SGSM3: variants seen among roughly 807,000 people sequenced by gnomAD.
SGSM3 encodes RUN and SH3 containing 3.
A neutral mutation model predicts 100.5 loss-of-function variants in SGSM3; 96 were observed. The observed-to-expected ratio is 0.96, with a 90% CI of 0.81 to 1.13. SGSM3 has a LOEUF of 1.13. Ranked by LOEUF, SGSM3 falls within the 50% of genes most tolerant of loss-of-function variation. The probability of loss-of-function intolerance (pLI) is 0.00; values close to 1 mark genes in which losing one functional copy is unlikely to be tolerated. For synonymous variants in SGSM3, 483 were observed against 422.8 expected, an observed-to-expected ratio of 1.14 and a Z score of -1.75; for missense variants, 1,001 against 1,015.8, an observed-to-expected ratio of 0.99 and a Z score of 0.20.
At chr22:40,395,537 G>A (rs538248669) in intron 1 of SGSM3, among the ~76,000 whole-genome samples, 5 of 152,150 alleles carry the variant, frequency 3.3e-5, no homozygotes, top group African/African-American at 1.2e-4. Context: ...GGCCAGGTTG[G>A]TCTCGAACTC....
Position 40,408,082 on chromosome 22 carries a change from G to A in SGSM3, c.1591G>A (p.Ala531Thr), listed in dbSNP as rs763015456. 6.2e-7 allele frequency: 1 copy of A among 1,612,292 alleles called. No homozygotes were observed. Among genetic ancestry groups the A allele is most frequent in the East Asian group, 2.2e-5 (1 of 44,720 alleles). Residue 531 changes from alanine (A) to threonine (T), a missense_variant, in exon 15 of 22, where the codon GCC (alanine) becomes ACC (threonine). Coordinates refer to ENST00000248929, the MANE Select transcript of SGSM3 (RefSeq NM_015705.6). ...ELNGLRGWFP[A>T]KFVEVLDERS... ...TGTTTTTCCCACAGGCTGGTTTCCA[G>A]CCAAGTTCGTGGAAGTCCTGGATGA...
rs767167771 is a variant in SGSM3, at chr22:40,409,328, C to T, written c.2067C>T (p.Ser689=). 5 of 1,613,112 alleles carry T rather than the reference C, an allele frequency of 3.1e-6. 1 individual carries two copies. The South Asian group carries it at 4.4e-5, about 14-fold the overall frequency. Residue 689 remains serine, a synonymous_variant, in exon 20 of 22, where the codon TCC becomes TCT. Coordinates refer to ENST00000248929, the MANE Select transcript of SGSM3 (RefSeq NM_015705.6). The part of the protein sequence containing the change: ...PTVEKWYQPW[S]FLRSPGWVQI... ...TGGAGAAGTGGTACCAGCCCTGGTC[C>T]TTCCTGCGCAGCCCGGGCTGGGTCC...
At chr22:40,400,064 TACC>T (rs1238650486) in intron 1 of SGSM3, among the ~76,000 whole-genome samples, 1 of 152,222 alleles carries the variant, frequency 6.6e-6, no homozygotes, top group Non-Finnish European at 1.5e-5. Context: ...GCTTCTCACT[TACC>T]TAATTCTTCC....
Position 40,400,715 on chromosome 22 carries a change from G to C in SGSM3, c.-92G>C. 7.8e-7 allele frequency: 1 copy of C among 1,278,102 alleles called. No homozygotes were observed. 79.2% of individuals were successfully genotyped at this position (1,278,102 alleles called of 1,614,324 possible). On this transcript the variant is annotated 5_prime_UTR_variant, in exon 2 of 22. Coordinates refer to ENST00000248929, the MANE Select transcript of SGSM3 (RefSeq NM_015705.6). ...TAACAGGGCAGATGATTCTGGACCA[G>C]ATGAAGCCTGAGGAGCCTTCCAGCT...
At chr22:40,387,974 A>G (rs1223081915) in intron 1 of SGSM3, among the ~76,000 whole-genome samples, 1 of 152,122 alleles carries the variant, frequency 6.6e-6, no homozygotes, top group Non-Finnish European at 1.5e-5. Context: ...TTTCCCTGAT[A>G]TATGTTTCCA....
At chr22:40,404,225 C>G (rs745748666) in intron 4 of SGSM3, 22 bp from the exon 5 acceptor site, 4 of 1,501,130 alleles carry the variant, frequency 2.7e-6, no homozygotes, top group Non-Finnish European at 3.6e-6. Flanking sequence ...TTTTTCTTTC[C>G]TCCTTGGCTC....
Position 40,390,680 on chromosome 22 carries a change from A to G in SGSM3, c.-111-10016A>G, listed in dbSNP as rs115385339. Among the ~76,000 whole-genome samples, 738 of 152,328 alleles carry G rather than the reference A, an allele frequency of 4.8e-3. 4 individuals are homozygous for G. The highest frequency in any genetic ancestry group is 0.017 in the African/African-American group (708 of 41,568). On this transcript the variant is annotated intron_variant, in intron 1 of 21. Transcript: ENST00000248929. ...AATGAATGGTAGCTATTAGTAAGAT[A>G]TGTATAGATGGGTTTGTTGGGGGCC...
chr22:40,376,074 A>G (rs2046506603), intron 1 of SGSM3, among the ~76,000 whole-genome samples: 1 of 150,968 alleles, frequency 6.6e-6, no homozygotes, highest in South Asian at 2.1e-4. Context: ...AAAACAAGAT[A>G]TGAAAGAACA....
At chr22:40,399,355 G>T (rs113127116) in intron 1 of SGSM3, among the ~76,000 whole-genome samples, 2 of 152,178 alleles carry the variant, frequency 1.3e-5, no homozygotes, top group African/African-American at 4.8e-5. Context: ...AAGCTGACAC[G>T]TGGTTGTTCT....
rs537004442 is a variant in SGSM3, at chr22:40,383,136, T to C, written c.-112+12448T>C. The stretch of plus-strand genomic sequence containing the variant: ...TTCAGCCCTTGAAGAGCTTTCAGTT[T>C]ATAGATAAGGCACCTACACTAGTAA... On this transcript the variant is annotated intron_variant, in intron 1 of 21. Coordinates refer to ENST00000248929, the MANE Select transcript of SGSM3 (RefSeq NM_015705.6). 6.3e-4 allele frequency among the ~76,000 whole-genome samples: 96 copies of C among 152,242 alleles called. 1 individual carries two copies. In the South Asian group the frequency reaches 0.013, roughly 20 times the overall value.
At chr22:40,406,807 G>A in intron 10 of SGSM3, 145 bp downstream of exon 10, 1 of 883,138 alleles carries the variant, frequency 1.1e-6, no homozygotes, top group Non-Finnish European at 1.8e-6. Context: ...CCACAGCTGT[G>A]GGGTGATCCA....
rs2051970697 is a variant in SGSM3, at chr22:40,408,397, G to T, written c.1750G>T (p.Gly584Cys). Residue 584 changes from glycine to cysteine, a missense_variant, in exon 16 of 22, where the codon GGC becomes TGC. By Grantham distance (159) the Gly-to-Cys change is radical. Coordinates refer to ENST00000248929, the MANE Select transcript of SGSM3 (RefSeq NM_015705.6). ...ACTGAAGAAGCCATCCCTGCTTGGG[G>T]GCGCCTGCCACCCCTGGCTGTTTAT... Reference protein sequence around the residue: ...HGLKKPSLLGGACHPWLFIEE... With the variant: ...HGLKKPSLLGCACHPWLFIEE... The T allele has an allele frequency of 6.2e-7, 1 of 1,613,390 alleles. No homozygotes were observed. The highest frequency in any genetic ancestry group is 8.5e-7 in the Non-Finnish European group (1 of 1,179,994).
Position 40,407,318 on chromosome 22 carries a change from A to G in SGSM3, c.1358A>G (p.Asn453Ser). ...CACTTCCAGTGCACAGACCCCAAAAACTGCAGCGTGGTGAGTCGCCAGCTC... is the reference window on the plus strand; with the variant it reads ...CACTTCCAGTGCACAGACCCCAAAAGCTGCAGCGTGGTGAGTCGCCAGCTC... ...ARHFQCTDPK[N>S]CSVELTPDYS... Residue 453 changes from asparagine (N) to serine (S), a missense_variant, in exon 12 of 22, where the codon AAC (asparagine) becomes AGC (serine). Physicochemically the swap from Asn to Ser is conservative, Grantham distance 46. Coordinates refer to ENST00000248929, the MANE Select transcript of SGSM3 (RefSeq NM_015705.6). The surrounding 1 kb of genome is among the most constrained non-coding windows in gnomAD (Gnocchi z 4.7). 6.2e-7 allele frequency: 1 copy of G among 1,613,408 alleles called. No individual in the cohort carries two copies. Among genetic ancestry groups the G allele is most frequent in the Non-Finnish European group, 8.5e-7 (1 of 1,179,962 alleles).
chr22:40,375,096 A>G (rs2146740758), intron 1 of SGSM3, among the ~76,000 whole-genome samples: 1 of 152,322 alleles, frequency 6.6e-6, no homozygotes, highest in Non-Finnish European at 1.5e-5. Context: ...TTCAGTAGGC[A>G]CAGTTAACTA....
intron 1 of SGSM3, among the ~76,000 whole-genome samples, chr22:40,392,119 A>G (rs2146895880): frequency 6.6e-6 from 1 of 152,246 alleles, no homozygotes; most frequent in East Asian, 1.9e-4. Flanking sequence ...AGCAACTGCA[A>G]CCCATGTGAA....
intron 1 of SGSM3, among the ~76,000 whole-genome samples, chr22:40,395,755 C>T (rs2049962757): frequency 6.6e-6 from 1 of 152,188 alleles, no homozygotes; most frequent in Non-Finnish European, 1.5e-5. Context: ...TGCCTGTGGC[C>T]ACTCCCATTC....
rs1204099627 is a variant in SGSM3 at position 40,405,081 on chromosome 22, G to A, written c.475-60G>A. On this transcript the variant is annotated intron_variant, in intron 6 of 21. Coordinates refer to ENST00000248929, the MANE Select transcript of SGSM3 (RefSeq NM_015705.6). ...TGGGGGAGAAGCCCGCCTGGGGTCT[G>A]CCTCCCTCCCAGGGTGTCACAAGGT... The A allele has an allele frequency of 3.4e-6, 5 of 1,455,606 alleles. No homozygotes were observed. In the Admixed American group the frequency reaches 7.8e-5, roughly 23 times the overall value. 90.2% of individuals were successfully genotyped at this position (1,455,606 alleles called of 1,614,324 possible).
At chr22:40,402,965 C>T (rs1268029318) in intron 4 of SGSM3, among the ~76,000 whole-genome samples, 1 of 152,212 alleles carries the variant, frequency 6.6e-6, no homozygotes, top group Non-Finnish European at 1.5e-5. Context: ...CTTCAGGTCA[C>T]TCACGTTTCC....
At chr22:40,401,751 C>T in intron 3 of SGSM3, 76 bp downstream of exon 3, 1 of 1,300,168 alleles carries the variant, frequency 7.7e-7, no homozygotes, top group South Asian at 1.2e-5. Context: ...CTGCAGGCTG[C>T]CCAGGAAGAG....
Sources: allele counts gnomAD v4.1 joint callset (sites outside exome capture counted in the v4.1 genomes callset), GRCh38; gene constraint gnomAD v4.1.1; non-coding constraint Gnocchi (gnomAD v3.1); transcripts MANE v1.5; gene names NCBI Gene and HGNC (gene_info 2026-07-23, HGNC 2026-07-21).